MAP3K19: variants seen among roughly 807,000 people sequenced by gnomAD.
The protein encoded by MAP3K19 is mitogen-activated protein kinase kinase kinase 19.
In MAP3K19, 91 loss-of-function variants were observed where a neutral mutation model predicts 114.4. The ratio of observed to expected loss-of-function variants is 0.80; its 90% CI spans 0.67 to 0.95. The LOEUF is 0.95. MAP3K19 is among the 40% of genes least tolerant of loss of function. MAP3K19 has a pLI of 0.00. For missense variants in MAP3K19, 1,471 were observed against 1,573.2 expected (o/e 0.94, Z 1.10); for synonymous variants, 518 against 530.5 (o/e 0.98, Z 0.32).
chr2:134,975,039 G>A (rs1044986459), intron 12 of MAP3K19, among the ~76,000 whole-genome samples: 1 of 152,216 alleles, frequency 6.6e-6, no homozygotes, highest in African/African-American at 2.4e-5. Flanking sequence ...GTGAGGTTTT[G>A]CTGGGGATTG....
At chr2:134,998,078 C>T (rs1365070981) in intron 8 of MAP3K19, among the ~76,000 whole-genome samples, 1 of 152,088 alleles carries the variant, frequency 6.6e-6, no homozygotes, top group Non-Finnish European at 1.5e-5. Context: ...GGGGGAAATG[C>T]TGGCATCAGT....
chr2:135,011,310 G>T (rs1687209909), intron 5 of MAP3K19, among the ~76,000 whole-genome samples: 1 of 152,076 alleles, frequency 6.6e-6, no homozygotes, highest in Admixed American at 6.5e-5. Context: ...GGCCAAGGCG[G>T]GTGGATCACG....
chr2:134,986,584 G>A lies in MAP3K19; in HGVS notation c.2288C>T (p.Ser763Leu), dbSNP rs1015095800. The change falls in exon 10 of 13, where the codon TCA (serine) becomes TTA (leucine). Residue 763 changes from serine (S) to leucine (L), a missense_variant. Transcript: ENST00000392915. ...AGACTTTATCTGCCAGTCTGGTTCT[G>A]AAATACCATCACCATTTTCAATGTC... ...LHDIENGDGI[S>L]EPDWQIKSSG... The A allele has an allele frequency of 3.1e-6, 5 of 1,614,044 alleles. No homozygotes were observed. In the African/African-American group the frequency reaches 6.7e-5, roughly 22 times the overall value.
At chr2:135,031,784 G>A (rs1194257007) in intron 2 of MAP3K19, among the ~76,000 whole-genome samples, 1 of 152,172 alleles carries the variant, frequency 6.6e-6, no homozygotes, top group African/African-American at 2.4e-5. Flanking sequence ...CACTTAGGAG[G>A]TGGAATTAAC....
intron 5 of MAP3K19, among the ~76,000 whole-genome samples, chr2:135,008,502 C>G (rs4953945): frequency 0.25 from 37,867 of 152,122 alleles, 6,121 homozygotes; most frequent in African/African-American, 0.43. Flanking sequence ...ATTCTTCACT[C>G]TTACACATAG....
Position 134,981,098 on chromosome 2 carries a change from C to A in MAP3K19, c.3643G>T (p.Gly1215Cys), listed in dbSNP as rs1447801814. The change falls in exon 12 of 13, where the codon GGT becomes TGT. Residue 1215 changes from glycine to cysteine, a missense_variant. Physicochemically the swap from Gly to Cys is radical, Grantham distance 159. Coordinates refer to ENST00000392915, the MANE Select transcript of MAP3K19 (RefSeq NM_025052.5). ...FGCARRLAWA[G>C]LNGTHSDMLK... is the part of the protein sequence containing the mutation. The stretch of plus-strand genomic sequence containing the variant: ...ATGTCACTGTGGGTGCCATTTAAAC[C>A]TGCCCAGGCCAAACGCCTGGCACAG... 3 of 1,614,208 alleles carry A rather than the reference C, an allele frequency of 1.9e-6. No individual in the cohort carries two copies. The Admixed American group carries it at 5.0e-5, about 27-fold the overall frequency.
intron 5 of MAP3K19, among the ~76,000 whole-genome samples, chr2:135,018,978 AGGAGGCAGAGACGGGAAAATTGCTTG>A (rs1687782682): frequency 6.6e-6 from 1 of 152,054 alleles, no homozygotes; most frequent in African/African-American, 2.4e-5. Context: ...CCAGCTACTC[AGGAGGCAGAGACGGGAAAATTGCTTG>A]GGAGGCAGAG....
intron 12 of MAP3K19, among the ~76,000 whole-genome samples, chr2:134,976,589 A>T (rs191959152): frequency 3.3e-4 from 50 of 152,290 alleles, no homozygotes; most frequent in African/African-American, 1.2e-3. Context: ...TGGAGGAAGT[A>T]AGTGCCAGAT....
intron 12 of MAP3K19, among the ~76,000 whole-genome samples, chr2:134,977,136 C>T (rs1389265014): frequency 2.0e-5 from 3 of 150,734 alleles, no homozygotes; most frequent in Non-Finnish European, 4.4e-5. Context: ...CTTTAAAATC[C>T]TTTCCTTGAA....
intron 10 of MAP3K19, among the ~76,000 whole-genome samples, chr2:134,984,503 A>G (rs921050887): frequency 4.6e-5 from 7 of 152,176 alleles, no homozygotes; most frequent in African/African-American, 1.7e-4. Flanking sequence ...AACCCAGGAA[A>G]TCAACCCATT....
chr2:135,028,275 G>A (rs1257309702), intron 3 of MAP3K19, among the ~76,000 whole-genome samples: 2 of 152,148 alleles, frequency 1.3e-5, no homozygotes, highest in African/African-American at 4.8e-5. Context: ...CAGCAGCTCA[G>A]CCGGGCATGG....
At chr2:135,028,240 A>G (rs1293475537) in intron 3 of MAP3K19, among the ~76,000 whole-genome samples, 3 of 152,200 alleles carry the variant, frequency 2.0e-5, no homozygotes, top group Non-Finnish European at 4.4e-5. Flanking sequence ...ACATTCACTG[A>G]ATGAATAAAT....
At position 134,987,926 on chromosome 2, in the gene MAP3K19, A is replaced by C. The variant is rs1559154385; in HGVS notation, c.946T>G (p.Cys316Gly). 6.2e-7 allele frequency: 1 copy of C among 1,614,048 alleles called. No individual in the cohort carries two copies. The highest frequency in any genetic ancestry group is 1.7e-5 in the Admixed American group (1 of 60,004). Reference protein sequence around the residue: ...ENWKSKEIEECNKIEITHFEK... With the variant: ...ENWKSKEIEEGNKIEITHFEK... ...AAGTGAGTGATTTCAATTTTGTTAC[A>C]TTCTTCTATTTCCTTGGATTTCCAG... Residue 316 changes from cysteine to glycine, a missense_variant, in exon 10 of 13, where the codon TGT becomes GGT. By Grantham distance (159) the Cys-to-Gly change is radical. Coordinates refer to ENST00000392915, the MANE Select transcript of MAP3K19 (RefSeq NM_025052.5).
chr2:134,969,077 C>T (rs899785063), intron 12 of MAP3K19, among the ~76,000 whole-genome samples: 6 of 152,262 alleles, frequency 3.9e-5, no homozygotes, highest in African/African-American at 7.2e-5. Context: ...ACTGAGTGAA[C>T]GAGACTCCGT....
chr2:134,986,834 C>A lies in MAP3K19; in HGVS notation c.2038G>T (p.Asp680Tyr). 6.2e-7 allele frequency: 1 copy of A among 1,614,184 alleles called. No individual in the cohort carries two copies. The highest frequency in any genetic ancestry group is 8.5e-7 in the Non-Finnish European group (1 of 1,180,036). Residue 680 changes from aspartate (D) to tyrosine (Y), a missense_variant, in exon 10 of 13, where the codon GAT (aspartate) becomes TAT (tyrosine). By Grantham distance (160) the Asp-to-Tyr change is radical (BLOSUM62 -3). Transcript: ENST00000392915. The part of the protein sequence containing the change: ...VYCHVRETER[D>Y]ENTYYREICS... ...ATCTCACGGTAATACGTGTTTTCATCCCTTTCAGTCTCTCGCACATGACAA... is the reference window on the plus strand; with the variant it reads ...ATCTCACGGTAATACGTGTTTTCATACCTTTCAGTCTCTCGCACATGACAA...
intron 1 of MAP3K19, among the ~76,000 whole-genome samples, chr2:135,040,724 C>A (rs1470461570): frequency 1.3e-5 from 2 of 152,124 alleles, no homozygotes; most frequent in Non-Finnish European, 2.9e-5. Context: ...GCAATACCAC[C>A]AGGCTTGGTT....
At chr2:135,014,857 G>C (rs1252835034) in intron 5 of MAP3K19, among the ~76,000 whole-genome samples, 1 of 152,102 alleles carries the variant, frequency 6.6e-6, no homozygotes, top group Non-Finnish European at 1.5e-5. Context: ...CTGTATTTTT[G>C]CATGTAATTT....
chr2:134,967,484 G>A (rs1259502724), intron 12 of MAP3K19, among the ~76,000 whole-genome samples: 4 of 152,214 alleles, frequency 2.6e-5, no homozygotes, highest in Admixed American at 6.5e-5. Context: ...GTTCTGAGAT[G>A]GGAGAAAAAC....
intron 5 of MAP3K19, among the ~76,000 whole-genome samples, chr2:135,019,530 C>A (rs963883398): frequency 1.3e-5 from 2 of 152,060 alleles, no homozygotes; most frequent in African/African-American, 4.8e-5. Context: ...CATGTGCCTG[C>A]AGTCCCAGCT....
Sources: allele counts gnomAD v4.1 joint callset (sites outside exome capture counted in the v4.1 genomes callset), GRCh38; gene constraint gnomAD v4.1.1; transcripts MANE v1.5; gene names NCBI Gene and HGNC (gene_info 2026-07-23, HGNC 2026-07-21).